RFX2: variants seen among roughly 807,000 people sequenced by gnomAD.
RFX2 encodes DNA-binding protein RFX2.
In RFX2, 20 loss-of-function variants were observed where a neutral mutation model predicts 87.8. That is an observed-to-expected ratio of 0.23 (90% CI 0.16 to 0.33). The LOEUF (loss-of-function observed/expected upper bound fraction) is 0.33. Ranked by LOEUF, RFX2 falls within the 10% of genes least tolerant of loss-of-function variation. The pLI, the probability that RFX2 is intolerant of heterozygous loss-of-function variation, is 1.00. For synonymous variants in RFX2, 397 were observed against 431.3 expected, an observed-to-expected ratio of 0.92 and a Z score of 0.98; for missense variants, 767 against 1,012.3, an observed-to-expected ratio of 0.76 and a Z score of 3.29.
chr19:6,046,562 C>A (rs1175400189), intron 2 of RFX2, among the ~76,000 whole-genome samples: 15 of 145,148 alleles, frequency 1.0e-4, no homozygotes, highest in Admixed American at 2.0e-4. Context: ...CCGTCCCCCC[C>A]CAAAAAAAAA....
intron 1 of RFX2, among the ~76,000 whole-genome samples, chr19:6,107,294 TCAAACAAA>T (rs796259195): frequency 1.4e-5 from 2 of 145,838 alleles, no homozygotes; most frequent in African/African-American, 2.5e-5. Flanking sequence ...AGACTCTGTC[TCAAACAAA>T]CAAACAAACA....
Position 6,011,355 on chromosome 19 carries a change from G to A in RFX2, c.900-1104C>T, listed in dbSNP as rs982896248. Among the ~76,000 whole-genome samples the A allele has an allele frequency of 6.6e-6, 1 of 152,076 alleles. No homozygotes were observed. The highest frequency in any genetic ancestry group is 1.5e-5 in the Non-Finnish European group (1 of 68,022). Reference sequence around the variant, plus strand: ...GTGTGGTGGGGGCAGGGAGGGAGCCGGCTTGAGCTGGAGCATCTCCAGCGG... The same window carrying A: ...GTGTGGTGGGGGCAGGGAGGGAGCCAGCTTGAGCTGGAGCATCTCCAGCGG... On this transcript the variant is annotated intron_variant, in intron 8 of 17. Transcript: ENST00000303657. This position sits in a 1 kb window ranked among gnomAD's most constrained non-coding sequence, Gnocchi z 4.8.
intron 1 of RFX2, among the ~76,000 whole-genome samples, chr19:6,096,067 T>C (rs2088018460): frequency 6.6e-6 from 1 of 152,218 alleles, no homozygotes; most frequent in Non-Finnish European, 1.5e-5. Flanking sequence ...TAGCCCTTTA[T>C]AGAGAATGTT....
rs1568197956 is a variant in RFX2, at chr19:6,101,907, T to G, written c.-9+8486A>C. On this transcript the variant is annotated intron_variant, in intron 1 of 17. Transcript: ENST00000303657. The surrounding 1 kb of genome is among the most constrained non-coding windows in gnomAD (Gnocchi z 4.9). ...ACCCAAGTGTTCATCCATGGATGAATGGGGAAACACAATGTGGCATATCCA... is the reference window on the plus strand; with the variant it reads ...ACCCAAGTGTTCATCCATGGATGAAGGGGGAAACACAATGTGGCATATCCA... Among the ~76,000 whole-genome samples the G allele has an allele frequency of 6.6e-6, 1 of 152,166 alleles. No homozygotes were observed. The highest frequency in any genetic ancestry group is 1.5e-5 in the Non-Finnish European group (1 of 68,022).
chr19:6,060,461 C>G (rs1015635761), intron 1 of RFX2, among the ~76,000 whole-genome samples: 8 of 152,234 alleles, frequency 5.3e-5, no homozygotes, highest in African/African-American at 1.9e-4. Context: ...ATTCTTTCAG[C>G]TTATAGACAA....
At chr19:6,097,262 C>T (rs1309452311) in intron 1 of RFX2, among the ~76,000 whole-genome samples, 2 of 152,134 alleles carry the variant, frequency 1.3e-5, no homozygotes, top group Non-Finnish European at 2.9e-5. Flanking sequence ...CTGGCAAGAG[C>T]AGGGTGCCCA....
rs554073834 is a variant in RFX2 at position 6,024,326 on chromosome 19, G to A, written c.597+1837C>T. 2.0e-5 allele frequency among the ~76,000 whole-genome samples: 3 copies of A among 152,312 alleles called. No homozygotes were observed. The highest frequency in any genetic ancestry group is 7.2e-5 in the African/African-American group (3 of 41,568). ...GGAGATCCTCTCTCCAAGCACGTGT[G>A]GAAGACTCCCTTCTCCCTGAGTTCA... is the stretch of plus-strand genomic sequence containing the variant. On this transcript the variant is annotated intron_variant, in intron 6 of 17. Transcript: ENST00000303657. This position sits in a 1 kb window ranked among gnomAD's most constrained non-coding sequence, Gnocchi z 5.0.
At position 6,024,312 on chromosome 19, in the gene RFX2, C is replaced by T. The variant is rs1447105447; in HGVS notation, c.597+1851G>A. On this transcript the variant is annotated intron_variant, in intron 6 of 17. Transcript: ENST00000303657. The surrounding 1 kb of genome is among the most constrained non-coding windows in gnomAD (Gnocchi z 5.0). ...AGACTGGGGGCTGGGGAGATCCTCTCTCCAAGCACGTGTGGAAGACTCCCT... is the reference window on the plus strand; with the variant it reads ...AGACTGGGGGCTGGGGAGATCCTCTTTCCAAGCACGTGTGGAAGACTCCCT... Among the ~76,000 whole-genome samples the T allele has an allele frequency of 6.6e-6, 1 of 152,206 alleles. No individual in the cohort carries two copies. Among genetic ancestry groups the T allele is most frequent in the Non-Finnish European group, 1.5e-5 (1 of 68,042 alleles).
chr19:6,097,018 A>C (rs1838015734), intron 1 of RFX2, among the ~76,000 whole-genome samples: 1 of 152,246 alleles, frequency 6.6e-6, no homozygotes, highest in Admixed American at 6.5e-5. Flanking sequence ...GAACTGGAAC[A>C]GTATAATCAG....
In RFX2 at chr19:6,007,181, G is replaced by C. The variant is rs773089654; in HGVS notation, c.1248-15C>G. Reference sequence around the variant, plus strand: ...GGTCTTCGTCACTGTGGAGGGAGGGGGGACAGGTGAGCTGTGGCCTGGCCC... The same window carrying C: ...GGTCTTCGTCACTGTGGAGGGAGGGCGGACAGGTGAGCTGTGGCCTGGCCC... On this transcript the variant is annotated splice_polypyrimidine_tract_variant and intron_variant, in intron 11 of 17. Transcript: ENST00000303657. This position sits in a 1 kb window ranked among gnomAD's most constrained non-coding sequence, Gnocchi z 8.2. 6.2e-7 allele frequency: 1 copy of C among 1,611,436 alleles called. No homozygotes were observed. The highest frequency in any genetic ancestry group is 1.1e-5 in the South Asian group (1 of 90,912).
chr19:5,997,569 G>C lies in RFX2; in HGVS notation c.1860-356C>G, dbSNP rs673152. On this transcript the variant is annotated intron_variant, in intron 15 of 17. Coordinates refer to ENST00000303657, the MANE Select transcript of RFX2 (RefSeq NM_000635.4). This position sits in a 1 kb window ranked among gnomAD's most constrained non-coding sequence, Gnocchi z 4.2. ...TGGTGAGTCTTTCTAGTGACATTTCGGACTCCGAATCAGAGCACAGGCTGG... is the reference window on the plus strand; with the variant it reads ...TGGTGAGTCTTTCTAGTGACATTTCCGACTCCGAATCAGAGCACAGGCTGG... Among the ~76,000 whole-genome samples the C allele has an allele frequency of 0.015, 2,293 of 152,274 alleles. 41 individuals are homozygous for C. The highest frequency in any genetic ancestry group is 0.051 in the African/African-American group (2,111 of 41,552).
rs1281470175 is a variant in RFX2, at chr19:6,033,903, T to A, written c.522+6077A>T. 3.3e-5 allele frequency among the ~76,000 whole-genome samples: 5 copies of A among 152,174 alleles called. No individual in the cohort carries two copies. The East Asian group carries it at 9.6e-4, about 29-fold the overall frequency. ...ATGTGCCATTGGTGACATTCCTTTA[T>A]CAAACAGTATCTTGAGTGTGGGAAT... On this transcript the variant is annotated intron_variant, in intron 5 of 17. Transcript: ENST00000303657.
chr19:5,995,837 C>T (rs999458503), intron 16 of RFX2, among the ~76,000 whole-genome samples, 194 bp from the exon 17 acceptor site: 1 of 152,196 alleles, frequency 6.6e-6, no homozygotes, highest in Non-Finnish European at 1.5e-5. Context: ...TCCAGGCCGC[C>T]TCTGGGAGCT....
intron 1 of RFX2, chr19:6,078,222 T>G (rs1012232765): frequency 6.6e-6 from 1 of 151,988 alleles, no homozygotes. Flanking sequence ...TCAGGGTTTC[T>G]TCTTCTTTTC....
Position 6,012,523 on chromosome 19 carries a change from G to A in RFX2, c.899+463C>T, listed in dbSNP as rs956132695. ...ATGTCATTATAGGTTTGTCCAAACT[G>A]TCGAATGTACAACACCAAGAGTGAG... On this transcript the variant is annotated intron_variant, in intron 8 of 17. Coordinates refer to ENST00000303657, the MANE Select transcript of RFX2 (RefSeq NM_000635.4). This position sits in a 1 kb window ranked among gnomAD's most constrained non-coding sequence, Gnocchi z 4.6. Among the ~76,000 whole-genome samples, 4 of 152,122 alleles carry A rather than the reference G, an allele frequency of 2.6e-5. No individual in the cohort carries two copies. Among genetic ancestry groups the A allele is most frequent in the African/African-American group, 9.7e-5 (4 of 41,408 alleles).
At chr19:6,100,777 A>G (rs2088111479) in intron 1 of RFX2, among the ~76,000 whole-genome samples, 1 of 151,656 alleles carries the variant, frequency 6.6e-6, no homozygotes, top group African/African-American at 2.4e-5. Flanking sequence ...GAGTCTCTCC[A>G]ATGAGCACAC....
intron 1 of RFX2, among the ~76,000 whole-genome samples, chr19:6,055,313 C>T (rs961084237): frequency 6.6e-6 from 1 of 152,188 alleles, no homozygotes; most frequent in Non-Finnish European, 1.5e-5. Context: ...AAAGTTAAAC[C>T]TGCCCTTTAA....
intron 5 of RFX2, among the ~76,000 whole-genome samples, chr19:6,035,031 A>C (rs2087002802): frequency 6.6e-6 from 1 of 152,258 alleles, no homozygotes; most frequent in African/African-American, 2.4e-5. Flanking sequence ...TGCAATTAAA[A>C]TCCATTAGAC....
intron 1 of RFX2, among the ~76,000 whole-genome samples, chr19:6,096,867 C>T (rs1456455326): frequency 6.6e-6 from 1 of 152,178 alleles, no homozygotes; most frequent in Non-Finnish European, 1.5e-5. Context: ...TCCCAGGGTC[C>T]CCCACCATCT....
Sources: allele counts gnomAD v4.1 joint callset (sites outside exome capture counted in the v4.1 genomes callset), GRCh38; gene constraint gnomAD v4.1.1; non-coding constraint Gnocchi (gnomAD v3.1); transcripts MANE v1.5; gene names NCBI Gene and HGNC (gene_info 2026-07-23, HGNC 2026-07-21).